Variants in USP32 observed in about 807,000 individuals in gnomAD.
USP32 encodes ubiquitin carboxyl-terminal hydrolase 32.
Under a neutral mutation model 204.8 loss-of-function variants are expected in USP32, and 59 were observed. The ratio of observed to expected loss-of-function variants is 0.29; its 90% CI spans 0.23 to 0.36. The LOEUF is 0.36. Among genes scored for constraint, USP32 ranks in the 10% least tolerant of loss-of-function variants. The pLI is 1.00. For missense variants in USP32, 1,160 were observed against 1,946.4 expected (o/e 0.60, Z 7.60); for synonymous variants, 517 against 678.4 (o/e 0.76, Z 3.70).
At chr17:60,202,810 G>A (rs1357029112) in intron 26 of USP32, among the ~76,000 whole-genome samples, 1 of 147,276 alleles carries the variant, frequency 6.8e-6, no homozygotes, top group Non-Finnish European at 1.5e-5. Flanking sequence ...CAGTAAATGT[G>A]ACCTAATTTG....
At chr17:60,181,234 G>A in intron 32 of USP32, 90 bp downstream of exon 32, 1 of 1,477,442 alleles carries the variant, frequency 6.8e-7, no homozygotes, top group Non-Finnish European at 9.2e-7. Context: ...AAATAAGCAG[G>A]ACCTGAAAAA....
At chr17:60,273,961 C>CAAAA (rs35639109) in intron 5 of USP32, among the ~76,000 whole-genome samples, 13 of 42,238 alleles carry the variant, frequency 3.1e-4, no homozygotes, top group African/African-American at 9.1e-4. Flanking sequence ...GACTCAGTCT[C>CAAAA]AAAAAAAAAA....
chr17:60,232,662 T>C (rs953032745), intron 12 of USP32, among the ~76,000 whole-genome samples: 1 of 151,546 alleles, frequency 6.6e-6, no homozygotes, highest in Non-Finnish European at 1.5e-5. Flanking sequence ...TTCTTGTGTC[T>C]CAGCCTCCTG....
chr17:60,196,319 T>C (rs947210383), intron 27 of USP32, among the ~76,000 whole-genome samples: 10 of 150,872 alleles, frequency 6.6e-5, no homozygotes, highest in Admixed American at 4.6e-4. Flanking sequence ...TCTTTCCCTA[T>C]ACTCCACATC....
chr17:60,325,829 T>C (rs1362854369), intron 2 of USP32, among the ~76,000 whole-genome samples: 1 of 152,014 alleles, frequency 6.6e-6, no homozygotes, highest in Non-Finnish European at 1.5e-5. Context: ...CTTGGGAGGC[T>C]GAGGCAGGAA....
At chr17:60,229,668 T>A (rs568233937) in intron 12 of USP32, among the ~76,000 whole-genome samples, 17 of 152,336 alleles carry the variant, frequency 1.1e-4, no homozygotes, top group African/African-American at 4.1e-4. Flanking sequence ...TTTGTTTTCC[T>A]CCAGAAAAAT....
At chr17:60,361,676 TAGA>T (rs2089209252) in intron 1 of USP32, among the ~76,000 whole-genome samples, 1 of 152,182 alleles carries the variant, frequency 6.6e-6, no homozygotes, top group South Asian at 2.1e-4. Context: ...TTAAAAATTA[TAGA>T]AGAACCTATC....
At chr17:60,406,414 A>G (rs1598320768) in intron 1 of USP32, among the ~76,000 whole-genome samples, 1 of 151,260 alleles carries the variant, frequency 6.6e-6, no homozygotes, top group East Asian at 2.0e-4. Context: ...CCTGGCCTCA[A>G]GTGATCCACC....
chr17:60,298,261 G>A (rs962695533), intron 3 of USP32, among the ~76,000 whole-genome samples: 3 of 152,146 alleles, frequency 2.0e-5, no homozygotes, highest in Non-Finnish European at 4.4e-5. Context: ...AACCTCTTCA[G>A]CATAAATCTC....
At chr17:60,419,061 AC>A (rs1322068104) in intron 1 of USP32, among the ~76,000 whole-genome samples, 1 of 152,166 alleles carries the variant, frequency 6.6e-6, no homozygotes, top group African/African-American at 2.4e-5. Flanking sequence ...AGACACATGC[AC>A]TCGTATATTT....
chr17:60,254,669 A>G (rs2086250001), intron 10 of USP32, among the ~76,000 whole-genome samples: 1 of 152,206 alleles, frequency 6.6e-6, no homozygotes, highest in African/African-American at 2.4e-5. Context: ...ACAGCACTCC[A>G]GTCTGCATGA....
chr17:60,185,828 G>A lies in USP32; in HGVS notation c.3643-177C>T, dbSNP rs369731467. The A allele has an allele frequency of 4.2e-4, 284 of 669,972 alleles. 1 individual carries two copies. The African/African-American group carries it at 4.4e-3, about 10-fold the overall frequency. The allele number at this position is 669,972 out of a possible 1,614,324, so 41.5% of individuals were successfully genotyped here. A position where few individuals can be genotyped will look rare whatever the true frequency, so the allele number is the denominator to read the frequency against. Reference sequence around the variant, plus strand: ...TGTAATCCCAGCACTTTAGGAGGCCGAGGTGGGGTAATTGCTTGAGTCCAG... The same window carrying A: ...TGTAATCCCAGCACTTTAGGAGGCCAAGGTGGGGTAATTGCTTGAGTCCAG... On this transcript the variant is annotated intron_variant, in intron 29 of 33. Coordinates refer to ENST00000300896, the MANE Select transcript of USP32 (RefSeq NM_032582.4).
At chr17:60,224,846 C>T (rs1393987144) in intron 13 of USP32, among the ~76,000 whole-genome samples, 1 of 152,118 alleles carries the variant, frequency 6.6e-6, no homozygotes, top group Non-Finnish European at 1.5e-5. Context: ...ACCAGAATAA[C>T]AGCAATCAAC....
intron 11 of USP32, among the ~76,000 whole-genome samples, chr17:60,238,005 G>C (rs2085778454): frequency 6.6e-6 from 1 of 152,134 alleles, no homozygotes; most frequent in Non-Finnish European, 1.5e-5. Flanking sequence ...TTTCCACAGT[G>C]ATTGCACCAT....
rs761463860 is a variant in USP32 at position 60,181,498 on chromosome 17, C to G, written c.4374G>C (p.Leu1458Phe). Reference protein sequence around the residue: ...GHVLGGSQPELVTPQDHEVAL... With the variant: ...GHVLGGSQPEFVTPQDHEVAL... ...CTACCTCATGGTCCTGAGGAGTGAC[C>G]AACTCTGGTTGGCTGCCCCCCAGCA... The change falls in exon 32 of 34, where the codon TTG (leucine) becomes TTC (phenylalanine). Residue 1458 changes from leucine to phenylalanine, a missense_variant. By Grantham distance (22) the Leu-to-Phe change is conservative. This residue lies in a region of USP32 where 244 missense variants were observed against 342.3 expected (regional missense o/e 0.71). Coordinates refer to ENST00000300896, the MANE Select transcript of USP32 (RefSeq NM_032582.4). 2.5e-6 allele frequency: 4 copies of G among 1,613,996 alleles called. No individual in the cohort carries two copies. The Admixed American group carries it at 6.7e-5, about 27-fold the overall frequency.
intron 1 of USP32, among the ~76,000 whole-genome samples, chr17:60,348,695 G>A (rs545912551): frequency 6.6e-6 from 1 of 152,140 alleles, no homozygotes; most frequent in African/African-American, 2.4e-5. Context: ...TTGAGCCCGG[G>A]AAGTCAAGGC....
At chr17:60,289,103 G>A (rs928384157) in intron 4 of USP32, among the ~76,000 whole-genome samples, 1 of 152,176 alleles carries the variant, frequency 6.6e-6, no homozygotes, top group African/African-American at 2.4e-5. Flanking sequence ...TGCCTCCCGG[G>A]TTCACGCCAT....
intron 25 of USP32, 130 bp from the exon 26 acceptor site, chr17:60,205,788 A>G (rs2084810366): frequency 8.7e-7 from 1 of 1,146,336 alleles, no homozygotes; most frequent in Non-Finnish European, 1.2e-6. Flanking sequence ...CACAGTATAA[A>G]TAATTCTAGA....
In USP32 at chr17:60,185,455, C is replaced by T; in HGVS notation, c.3834+5G>A. The T allele has an allele frequency of 1.3e-6, 2 of 1,598,648 alleles. No homozygotes were observed. The highest frequency in any genetic ancestry group is 1.7e-6 in the Non-Finnish European group (2 of 1,169,216). On this transcript the variant is annotated splice_donor_5th_base_variant and intron_variant, in intron 30 of 33. Transcript: ENST00000300896. ...TGCTCTCTCAGAGGCAGGACTGTAA[C>T]ATACCAGGATGGGTGGAAGCCTCCA...
Sources: gnomAD v4.1 joint callset for allele counts (sites outside exome capture counted in the v4.1 genomes callset) on GRCh38, gnomAD v4.1.1 for gene constraint, gnomAD v4.1.1 regional missense constraint, MANE v1.5 for transcripts, NCBI Gene and HGNC (gene_info 2026-07-23, HGNC 2026-07-21) for gene names.